Variants in FSTL5 observed in about 807,000 individuals in gnomAD.
FSTL5 encodes follistatin-related protein 5.
FSTL5 carries 62 observed loss-of-function variants against 89.1 expected under a neutral mutation model. That is an observed-to-expected ratio of 0.70 (90% confidence interval 0.57 to 0.86). The LOEUF (loss-of-function observed/expected upper bound fraction) is 0.86. FSTL5 is among the 40% of genes least tolerant of loss of function. The probability of loss-of-function intolerance (pLI) is 0.00; values close to 1 mark genes in which losing one functional copy is unlikely to be tolerated. For synonymous variants in FSTL5, 383 were observed against 346.2 expected, an observed-to-expected ratio of 1.11 and a Z score of -1.18; for missense variants, 1,057 against 1,001.6, an observed-to-expected ratio of 1.06 and a Z score of -0.75.
rs1298827636 is a variant in FSTL5 at position 161,900,650 on chromosome 4, AAAAAAAAAGAAAG to A, written c.409+19741_409+19753del. The stretch of plus-strand genomic sequence containing the variant: ...CGAGACTCCATCTCAAAAAAAAAAA[AAAAAAAAAGAAAG>A]AAAGAAAGAAAGAAAAGAAAAAAAA... On this transcript the variant is annotated intron_variant, in intron 4 of 15. Transcript: ENST00000306100. Among the ~76,000 whole-genome samples, 12 of 133,294 alleles carry A rather than the reference AAAAAAAAAGAAAG, an allele frequency of 9.0e-5. No individual in the cohort carries two copies. The South Asian group carries it at 1.0e-3, about 11-fold the overall frequency. The allele number at this position is 133,294 out of a possible 152,430, so 87.4% of individuals were successfully genotyped here.
rs1373544745 is a variant in FSTL5 at position 161,912,336 on chromosome 4, C to T, written c.409+8068G>A. On this transcript the variant is annotated intron_variant, in intron 4 of 15. Transcript: ENST00000306100. ...GGTTTGGCTGTGTCCCCACCCAAAA[C>T]TCAACTTGAATTGCATCTCCCAGAA... is the stretch of plus-strand genomic sequence containing the variant. Among the ~76,000 whole-genome samples, 17 of 152,132 alleles carry T rather than the reference C, an allele frequency of 1.1e-4. No individual in the cohort carries two copies. The East Asian group carries it at 2.7e-3, about 24-fold the overall frequency.
intron 4 of FSTL5, among the ~76,000 whole-genome samples, chr4:161,831,946 A>T (rs1229556824): frequency 6.6e-6 from 1 of 152,010 alleles, no homozygotes; most frequent in Non-Finnish European, 1.5e-5. Flanking sequence ...AACCTTATTA[A>T]GTGATTCAGA....
chr4:161,922,751 A>C (rs1734026355), intron 3 of FSTL5, among the ~76,000 whole-genome samples: 1 of 152,002 alleles, frequency 6.6e-6, no homozygotes, highest in Admixed American at 6.6e-5. Context: ...ATGAGAAGTT[A>C]ATGCTATCAT....
intron 3 of FSTL5, among the ~76,000 whole-genome samples, chr4:161,992,776 G>A (rs1371589455): frequency 6.8e-6 from 1 of 147,512 alleles, no homozygotes; most frequent in East Asian, 2.0e-4. Flanking sequence ...CCCGGGAGTT[G>A]GACGTTGCAG....
At chr4:161,834,168 A>C (rs963839959) in intron 4 of FSTL5, among the ~76,000 whole-genome samples, 2 of 152,212 alleles carry the variant, frequency 1.3e-5, no homozygotes, top group African/African-American at 4.8e-5. Context: ...CAATAAATAT[A>C]ATCCAGCATA....
intron 8 of FSTL5, among the ~76,000 whole-genome samples, chr4:161,566,518 T>C (rs1732822222): frequency 6.6e-6 from 1 of 152,118 alleles, no homozygotes; most frequent in Non-Finnish European, 1.5e-5. Flanking sequence ...TTTAGTTTTT[T>C]GAGAAATCGC....
In FSTL5 at chr4:161,920,635, C is replaced by T. The variant is rs1483112337; in HGVS notation, c.178G>A (p.Gly60Ser). The change falls in exon 4 of 16, where the codon GGC (glycine) becomes AGC (serine). Residue 60 changes from glycine (G) to serine (S), a missense_variant. Physicochemically the swap from Gly to Ser is moderately conservative, Grantham distance 56 (BLOSUM62 0). Around this residue, in one of 3 missense-constraint regions of FSTL5, gnomAD observed 980 missense variants for 903.2 expected, o/e 1.08. Coordinates refer to ENST00000306100, the MANE Select transcript of FSTL5 (RefSeq NM_020116.5). Reference protein sequence around the residue: ...SRVKGFMIQDGPFGSCENKYC... With the variant: ...SRVKGFMIQDSPFGSCENKYC... ...TTATTTTCACAAGATCCAAAAGGGC[C>T]ATCCTGAATCATAAATCCTGAAGAA... The T allele has an allele frequency of 6.2e-6, 10 of 1,604,974 alleles. No individual in the cohort carries two copies. The highest frequency in any genetic ancestry group is 1.7e-5 in the Admixed American group (1 of 57,932).
At chr4:161,993,437 T>A (rs1578927704) in intron 3 of FSTL5, among the ~76,000 whole-genome samples, 1 of 145,472 alleles carries the variant, frequency 6.9e-6, no homozygotes, top group Admixed American at 7.0e-5. Flanking sequence ...TTGAGAAGTA[T>A]GATTTTTACT....
chr4:161,588,803 T>G (rs1733706506), intron 7 of FSTL5, among the ~76,000 whole-genome samples: 1 of 152,126 alleles, frequency 6.6e-6, no homozygotes, highest in African/African-American at 2.4e-5. Context: ...ATGCCAGCTA[T>G]GAAAATCATC....
intron 4 of FSTL5, among the ~76,000 whole-genome samples, chr4:161,913,709 C>G (rs1177095166): frequency 5.9e-5 from 9 of 152,100 alleles, no homozygotes. Flanking sequence ...GGATGTGAGA[C>G]CTGGTGTCAA....
chr4:161,821,308 G>A (rs1320469467), intron 4 of FSTL5, among the ~76,000 whole-genome samples: 1 of 152,106 alleles, frequency 6.6e-6, no homozygotes, highest in African/African-American at 2.4e-5. Context: ...AAATTGCCAC[G>A]ATGACCAGTG....
chr4:161,779,445 GTGT>G (rs1293739845), intron 4 of FSTL5, among the ~76,000 whole-genome samples: 1 of 151,862 alleles, frequency 6.6e-6, no homozygotes, highest in Non-Finnish European at 1.5e-5. Context: ...GGCTTCCCAT[GTGT>G]CAGAAACTTT....
chr4:162,111,550 AAGTG>A (rs1243359553), intron 1 of FSTL5, 138 bp from the exon 2 acceptor site: 1 of 556,562 alleles, frequency 1.8e-6, no homozygotes, highest in Middle Eastern at 4.1e-4. Context: ...GGGAAATGAG[AAGTG>A]AGTATCTCCA....
In FSTL5 at chr4:161,667,816, G is replaced by C. The variant is rs76630957; in HGVS notation, c.728-11322C>G. ...ATGGGAACATTCTCAACACATTAGAGATGAAAAATGCAAAGATGGAAGGAC... is the reference window on the plus strand; with the variant it reads ...ATGGGAACATTCTCAACACATTAGACATGAAAAATGCAAAGATGGAAGGAC... On this transcript the variant is annotated intron_variant, in intron 6 of 15. Coordinates refer to ENST00000306100, the MANE Select transcript of FSTL5 (RefSeq NM_020116.5). Among the ~76,000 whole-genome samples, 1,312 of 152,074 alleles carry C rather than the reference G, an allele frequency of 8.6e-3. 26 individuals are homozygous for C. The highest frequency in any genetic ancestry group is 0.029 in the African/African-American group (1,198 of 41,526).
At chr4:161,977,383 C>A (rs773823562) in intron 3 of FSTL5, among the ~76,000 whole-genome samples, 25 of 151,888 alleles carry the variant, frequency 1.6e-4, no homozygotes, top group Non-Finnish European at 2.8e-4. Context: ...GAGGCCGAGG[C>A]AGGCGGGTCA....
At chr4:161,421,131 G>A (rs1020786142) in intron 15 of FSTL5, among the ~76,000 whole-genome samples, 2 of 152,072 alleles carry the variant, frequency 1.3e-5, no homozygotes, top group African/African-American at 4.8e-5. Context: ...CACGAGGTCA[G>A]GAGATCGAGA....
chr4:161,567,474 A>T (rs1732860181), intron 8 of FSTL5, among the ~76,000 whole-genome samples: 1 of 152,078 alleles, frequency 6.6e-6, no homozygotes, highest in Non-Finnish European at 1.5e-5. Flanking sequence ...TAGTCATTAT[A>T]CTGTTTTTTA....
intron 7 of FSTL5, among the ~76,000 whole-genome samples, chr4:161,598,808 C>T: frequency 6.6e-6 from 1 of 151,722 alleles, no homozygotes; most frequent in East Asian, 1.9e-4. Flanking sequence ...TGGACTTCTA[C>T]CTCACAGAAT....
intron 11 of FSTL5, among the ~76,000 whole-genome samples, chr4:161,506,832 A>C (rs1730497945): frequency 6.6e-6 from 1 of 152,148 alleles, no homozygotes. Flanking sequence ...ATTTCACTAC[A>C]TTTCTATTTG....
Sources: allele counts gnomAD v4.1 joint callset (sites outside exome capture counted in the v4.1 genomes callset), GRCh38; gene constraint gnomAD v4.1.1; regional missense constraint gnomAD v4.1.1; transcripts MANE v1.5; gene names NCBI Gene and HGNC (gene_info 2026-07-23, HGNC 2026-07-21).